The following MTSS1 variants were observed in gnomAD, a reference collection of about 807,000 sequenced individuals.
MTSS1 encodes MTSS I-BAR domain containing 1.
MTSS1 carries 18 observed loss-of-function variants against 79.0 expected under a neutral mutation model. That is an observed-to-expected ratio of 0.23 (90% CI 0.16 to 0.34). MTSS1 has a LOEUF of 0.34. MTSS1 is among the 10% of genes least tolerant of loss of function. MTSS1 has a pLI of 1.00. For synonymous variants in MTSS1, 341 were observed against 368.6 expected (o/e 0.93, Z 0.86); for missense variants, 815 against 986.2 (o/e 0.83, Z 2.33).
intron 5 of MTSS1, among the ~76,000 whole-genome samples, chr8:124,585,850 C>T (rs370040343): frequency 3.9e-5 from 6 of 152,146 alleles, no homozygotes; most frequent in African/African-American, 1.4e-4. Flanking sequence ...AACAAAAAAC[C>T]CCTATGTGGA....
At chr8:124,559,179 G>A (rs1824720354) in intron 10 of MTSS1, among the ~76,000 whole-genome samples, 1 of 152,188 alleles carries the variant, frequency 6.6e-6, no homozygotes, top group Non-Finnish European at 1.5e-5. Context: ...TCATGGCATT[G>A]GGACTTCGTG....
intron 3 of MTSS1, among the ~76,000 whole-genome samples, chr8:124,607,013 A>G (rs546473608): frequency 6.6e-6 from 1 of 152,278 alleles, no homozygotes; most frequent in Non-Finnish European, 1.5e-5. Context: ...GGCCCTGGGA[A>G]TCATGCTTAG....
chr8:124,602,178 C>CATATAT (rs1381999447), intron 3 of MTSS1, among the ~76,000 whole-genome samples: 1 of 101,420 alleles, frequency 9.9e-6, no homozygotes, highest in African/African-American at 4.7e-5. Flanking sequence ...AAATAAATCT[C>CATATAT]ATATATATAC....
chr8:124,632,368 G>T (rs551570332), intron 3 of MTSS1, among the ~76,000 whole-genome samples: 30 of 150,890 alleles, frequency 2.0e-4, no homozygotes, highest in African/African-American at 7.1e-4. Flanking sequence ...ATAAGATGAG[G>T]CTGGGCATGG....
At chr8:124,686,467 T>A (rs563852882) in intron 3 of MTSS1, among the ~76,000 whole-genome samples, 2 of 152,308 alleles carry the variant, frequency 1.3e-5, no homozygotes, top group South Asian at 4.1e-4. Context: ...GTTTTTCAGA[T>A]GAAACAATGC....
rs1365987427 is a variant in MTSS1, at chr8:124,552,606, AAAG to A, written c.*383_*385del. 10 of 190,960 alleles carry A rather than the reference AAAG, an allele frequency of 5.2e-5. No homozygotes were observed. The highest frequency in any genetic ancestry group is 2.6e-4 in the Admixed American group (5 of 18,970). 11.8% of individuals were successfully genotyped at this position (190,960 alleles called of 1,614,324 possible). On this transcript the variant is annotated 3_prime_UTR_variant, in exon 14 of 14. Transcript: ENST00000518547. Reference sequence around the variant, plus strand: ...TCTACAAAAGCTTGTGGGGAAAAAAAAAGAAGAGTGAAGTATAGTAAATCCTTT... The same window carrying A: ...TCTACAAAAGCTTGTGGGGAAAAAAAAAGAGTGAAGTATAGTAAATCCTTT...
rs961275095 is a variant in MTSS1, at chr8:124,552,330, C to G, written c.*662G>C. The G allele has an allele frequency of 8.5e-5, 13 of 153,336 alleles. No individual in the cohort carries two copies. The highest frequency in any genetic ancestry group is 3.1e-4 in the African/African-American group (13 of 41,444). 9.5% of individuals were successfully genotyped at this position (153,336 alleles called of 1,614,324 possible). ...ATGAAGCTACCAGAAGAAATTCAAC[C>G]TACGAGGCTACTCTTAAATGTAACA... On this transcript the variant is annotated 3_prime_UTR_variant, in exon 14 of 14. Transcript: ENST00000518547.
chr8:124,687,117 G>A (rs1050507741), intron 3 of MTSS1, among the ~76,000 whole-genome samples: 2 of 152,132 alleles, frequency 1.3e-5, no homozygotes, highest in South Asian at 2.1e-4. Flanking sequence ...CCCGGCACTC[G>A]CTTTATCCAA....
intron 9 of MTSS1, among the ~76,000 whole-genome samples, chr8:124,564,285 G>A (rs753959026): frequency 2.0e-5 from 3 of 152,132 alleles, no homozygotes; most frequent in Non-Finnish European, 4.4e-5. Context: ...ACTAGGGCTG[G>A]GATAGGAAAA....
At chr8:124,581,353 G>A (rs10505445) in intron 6 of MTSS1, among the ~76,000 whole-genome samples, 92,756 of 150,930 alleles carry the variant, frequency 0.61, 29,032 homozygotes, top group Non-Finnish European at 0.68. Context: ...AAGTGGAACA[G>A]TGACCATAAT....
intron 3 of MTSS1, among the ~76,000 whole-genome samples, chr8:124,678,721 C>T (rs1027844799): frequency 1.3e-4 from 20 of 152,188 alleles, no homozygotes; most frequent in African/African-American, 4.1e-4. Context: ...GGTGGGGACA[C>T]AGCCAAGCCC....
chr8:124,559,745 A>G (rs537855668), intron 10 of MTSS1, among the ~76,000 whole-genome samples: 9 of 152,178 alleles, frequency 5.9e-5, no homozygotes, highest in Non-Finnish European at 1.0e-4. Context: ...ATGAGTGACA[A>G]TGATCATCTC....
At chr8:124,693,221 C>T (rs533286998) in intron 3 of MTSS1, among the ~76,000 whole-genome samples, 4 of 152,264 alleles carry the variant, frequency 2.6e-5, no homozygotes, top group Admixed American at 2.6e-4. Context: ...GTGAGCAGTT[C>T]TTTGTGGGTG....
At chr8:124,663,109 C>T (rs1344523987) in intron 3 of MTSS1, among the ~76,000 whole-genome samples, 1 of 152,058 alleles carries the variant, frequency 6.6e-6, no homozygotes. Flanking sequence ...GTTCTGGAGC[C>T]GAAATGGGCA....
At chr8:124,599,745 AT>A (rs1833449346) in intron 3 of MTSS1, among the ~76,000 whole-genome samples, 1 of 152,080 alleles carries the variant, frequency 6.6e-6, no homozygotes, top group African/African-American at 2.4e-5. Context: ...TGGCAGCTGT[AT>A]TCCCATCTGT....
intron 12 of MTSS1, 42 bp from the exon 13 acceptor site, chr8:124,555,946 G>A (rs575760802): frequency 2.9e-5 from 47 of 1,595,580 alleles, no homozygotes; most frequent in East Asian, 6.7e-5. Flanking sequence ...GCTTTAGGGG[G>A]GGGGCTCAAC....
intron 3 of MTSS1, among the ~76,000 whole-genome samples, chr8:124,677,491 C>T (rs1192510679): frequency 6.6e-6 from 1 of 152,210 alleles, no homozygotes; most frequent in South Asian, 2.1e-4. Context: ...GGGATGCACT[C>T]TTACATTTGA....
At chr8:124,555,414 T>A (rs553430531) in intron 13 of MTSS1, among the ~76,000 whole-genome samples, 1 of 151,948 alleles carries the variant, frequency 6.6e-6, no homozygotes, top group African/African-American at 2.4e-5. Flanking sequence ...CCCGGCTAAT[T>A]TTTTTGTATT....
chr8:124,632,279 CA>C lies in MTSS1; in HGVS notation c.209-41045del, dbSNP rs59976165. 9.8e-3 allele frequency among the ~76,000 whole-genome samples: 679 copies of C among 69,154 alleles called. 6 individuals carry two copies. Among genetic ancestry groups the C allele is most frequent in the African/African-American group, 0.021 (436 of 20,824 alleles). The allele number at this position is 69,154 out of a possible 152,430, so 45.4% of individuals were successfully genotyped here. The stretch of plus-strand genomic sequence containing the variant: ...TAGGAAGCAGAGTGAGACTCTGTCT[CA>C]AAAAAAAAAAAAAAAAAAGGTAAGG... On this transcript the variant is annotated intron_variant, in intron 3 of 13. Coordinates refer to ENST00000518547, the MANE Select transcript of MTSS1 (RefSeq NM_014751.6).
Sources: gnomAD v4.1 joint callset for allele counts (sites outside exome capture counted in the v4.1 genomes callset) on GRCh38, gnomAD v4.1.1 for gene constraint, MANE v1.5 for transcripts, NCBI Gene and HGNC (gene_info 2026-07-23, HGNC 2026-07-21) for gene names.